DGKI: variants seen among roughly 807,000 people sequenced by gnomAD.
The protein encoded by DGKI is DAG kinase iota.
Under a neutral mutation model 147.5 loss-of-function variants are expected in DGKI, and 55 were observed. The ratio of observed to expected loss-of-function variants is 0.37; its 90% CI spans 0.30 to 0.47. The LOEUF (loss-of-function observed/expected upper bound fraction) is 0.47, where lower values mean the gene tolerates loss of function less well. Ranked by LOEUF, DGKI falls within the 20% of genes least tolerant of loss-of-function variation. The pLI is 1.00. For synonymous variants in DGKI, 469 were observed against 477.1 expected (o/e 0.98, Z 0.22); for missense variants, 1,007 against 1,323.8 (o/e 0.76, Z 3.71).
intron 1 of DGKI, among the ~76,000 whole-genome samples, chr7:137,810,257 C>T (rs1797520377): frequency 6.6e-6 from 1 of 152,146 alleles, no homozygotes; most frequent in Non-Finnish European, 1.5e-5. Flanking sequence ...GCTAATTGTT[C>T]CCTACCAATC....
intron 1 of DGKI, among the ~76,000 whole-genome samples, chr7:137,812,110 A>C (rs1797608251): frequency 6.6e-6 from 1 of 152,176 alleles, no homozygotes; most frequent in Non-Finnish European, 1.5e-5. Context: ...GATGCCCTTC[A>C]CTTTCCATTC....
At chr7:137,696,686 G>T (rs1034859657) in intron 1 of DGKI, among the ~76,000 whole-genome samples, 1 of 151,238 alleles carries the variant, frequency 6.6e-6, no homozygotes, top group Non-Finnish European at 1.5e-5. Flanking sequence ...TCTCCTTATG[G>T]TATCACTTGA....
intron 1 of DGKI, chr7:137,722,484 G>A: frequency 6.2e-7 from 1 of 1,610,730 alleles, no homozygotes. Flanking sequence ...TTTTCCTGAA[G>A]CAGCTGGCTA....
chr7:137,840,696 G>T (rs989125663), intron 1 of DGKI, among the ~76,000 whole-genome samples: 6 of 152,178 alleles, frequency 3.9e-5, no homozygotes, highest in Admixed American at 1.3e-4. Context: ...TGGACAAAGT[G>T]TAAATAAGAA....
At chr7:137,446,856 T>C (rs1165708730) in intron 27 of DGKI, among the ~76,000 whole-genome samples, 1 of 152,202 alleles carries the variant, frequency 6.6e-6, no homozygotes, top group African/African-American at 2.4e-5. Context: ...GAGATAATTA[T>C]CTTAAACCTG....
At chr7:137,554,084 C>T (rs1818139953) in intron 19 of DGKI, among the ~76,000 whole-genome samples, 1 of 152,204 alleles carries the variant, frequency 6.6e-6, no homozygotes, top group African/African-American at 2.4e-5. Context: ...GAGTTAATAA[C>T]TGTCAATGCC....
chr7:137,767,399 G>A (rs1167086729), intron 1 of DGKI, among the ~76,000 whole-genome samples: 3 of 151,166 alleles, frequency 2.0e-5, no homozygotes, highest in African/African-American at 7.3e-5. Context: ...AAGAGATAAA[G>A]GTAAGAAAAT....
chr7:137,545,988 G>C (rs781289670), intron 20 of DGKI: 1 of 700,886 alleles, frequency 1.4e-6, no homozygotes, highest in South Asian at 1.5e-5. Flanking sequence ...AATGAGCAGC[G>C]AAGACAGAGT....
intron 1 of DGKI, among the ~76,000 whole-genome samples, chr7:137,746,818 A>C (rs1795351355): frequency 6.6e-6 from 1 of 152,148 alleles, no homozygotes; most frequent in South Asian, 2.1e-4. Flanking sequence ...TGTTCTCATC[A>C]ACTCAGCCTT....
At chr7:137,553,747 T>C (rs1818129636) in intron 19 of DGKI, among the ~76,000 whole-genome samples, 1 of 152,132 alleles carries the variant, frequency 6.6e-6, no homozygotes, top group African/African-American at 2.4e-5. Flanking sequence ...TACGTGCCCC[T>C]TCCTAGTCTA....
At chr7:137,801,577 G>T (rs1443825610) in intron 1 of DGKI, among the ~76,000 whole-genome samples, 1 of 152,112 alleles carries the variant, frequency 6.6e-6, no homozygotes, top group Admixed American at 6.6e-5. Context: ...TAATAATTCG[G>T]AGTGACCTGA....
At chr7:137,499,441 C>A (rs1013201772) in intron 21 of DGKI, among the ~76,000 whole-genome samples, 2 of 152,112 alleles carry the variant, frequency 1.3e-5, no homozygotes, top group Non-Finnish European at 2.9e-5. Context: ...AAGAGATTAG[C>A]ATTTGTATCA....
chr7:137,419,233 T>A lies in DGKI; in HGVS notation c.2762-7026A>T, dbSNP rs138373329. 2.5e-3 allele frequency among the ~76,000 whole-genome samples: 375 copies of A among 152,356 alleles called. 1 individual carries two copies. Among genetic ancestry groups the A allele is most frequent in the Middle Eastern group, 6.8e-3 (2 of 294 alleles). On this transcript the variant is annotated intron_variant, in intron 28 of 32. Coordinates refer to ENST00000614521, the MANE Select transcript of DGKI (RefSeq NM_001321708.2). ...ATACAAAATGAAGTTAAAGTAAATTTACAGTTTTAAGGCCCAACTTTTTGT... is the reference window on the plus strand; with the variant it reads ...ATACAAAATGAAGTTAAAGTAAATTAACAGTTTTAAGGCCCAACTTTTTGT...
At chr7:137,471,963 T>TTATATATTA (rs71177904) in intron 23 of DGKI, among the ~76,000 whole-genome samples, 6 of 138,836 alleles carry the variant, frequency 4.3e-5, no homozygotes, top group Admixed American at 2.3e-4. Flanking sequence ...ATATTATATA[T>TTATATATTA]TATATACATG....
chr7:137,660,316 T>C (rs574443091), intron 3 of DGKI, among the ~76,000 whole-genome samples: 2 of 152,362 alleles, frequency 1.3e-5, no homozygotes, highest in South Asian at 2.1e-4. Context: ...AATAAAAACA[T>C]GACCAACATT....
chr7:137,626,624 C>T (rs563941941), intron 6 of DGKI, among the ~76,000 whole-genome samples: 11 of 152,238 alleles, frequency 7.2e-5, no homozygotes, highest in African/African-American at 2.4e-4. Flanking sequence ...TCATCATCCC[C>T]CAAGCCATTT....
chr7:137,751,113 T>C (rs1395726663), intron 1 of DGKI, among the ~76,000 whole-genome samples: 1 of 152,248 alleles, frequency 6.6e-6, no homozygotes, highest in Non-Finnish European at 1.5e-5. Context: ...TATTATAACT[T>C]TGGGCTTCAT....
intron 21 of DGKI, among the ~76,000 whole-genome samples, chr7:137,514,432 C>T (rs932145501): frequency 6.6e-6 from 1 of 152,134 alleles, no homozygotes; most frequent in African/African-American, 2.4e-5. Context: ...CTACTCCAAT[C>T]CAACTACCAA....
At chr7:137,516,730 C>G (rs1816758050) in intron 21 of DGKI, among the ~76,000 whole-genome samples, 1 of 151,844 alleles carries the variant, frequency 6.6e-6, no homozygotes, top group Non-Finnish European at 1.5e-5. Context: ...TGACATATAA[C>G]TGATGCAAAC....
Sources: gnomAD v4.1 joint callset for allele counts (sites outside exome capture counted in the v4.1 genomes callset) on GRCh38, gnomAD v4.1.1 for gene constraint, MANE v1.5 for transcripts, NCBI Gene and HGNC (gene_info 2026-07-23, HGNC 2026-07-21) for gene names.